DISC1: variants seen among roughly 807,000 people sequenced by gnomAD.
DISC1 encodes disrupted in schizophrenia 1 protein.
In DISC1, 57 loss-of-function variants were observed where a neutral mutation model predicts 84.5. That is an observed-to-expected ratio of 0.67 (90% CI 0.55 to 0.84). DISC1 has a LOEUF of 0.84. DISC1 is among the 40% of genes least tolerant of loss of function. DISC1 has a pLI of 0.00. For synonymous variants in DISC1, 411 were observed against 415.2 expected, an observed-to-expected ratio of 0.99 and a Z score of 0.12; for missense variants, 1,000 against 1,057.8, an observed-to-expected ratio of 0.95 and a Z score of 0.76.
chr1:231,716,364 A>C (rs918317202), intron 3 of DISC1, among the ~76,000 whole-genome samples: 1 of 151,606 alleles, frequency 6.6e-6, no homozygotes, highest in African/African-American at 2.4e-5. Flanking sequence ...AAAGCAATAT[A>C]TATTAAAACA....
chr1:231,685,128 C>T (rs1023501903), intron 1 of DISC1: 17 of 152,188 alleles, frequency 1.1e-4, no homozygotes, highest in Non-Finnish European at 1.5e-4. Flanking sequence ...TTGACCTGCT[C>T]GGTTGGTGGA....
chr1:231,690,705 G>A (rs1038999296), intron 1 of DISC1, among the ~76,000 whole-genome samples: 1 of 152,172 alleles, frequency 6.6e-6, no homozygotes, highest in East Asian at 1.9e-4. Flanking sequence ...ATGGCCTTTC[G>A]TTATGGGAAA....
rs1243606907 is a variant in DISC1, at chr1:231,627,028, G to C, written c.67+94G>C. 3.4e-6 allele frequency: 3 copies of C among 881,626 alleles called. No individual in the cohort carries two copies. In the African/African-American group the frequency reaches 5.4e-5, roughly 16 times the overall value. The allele number at this position is 881,626 out of a possible 1,614,324, so 54.6% of individuals were successfully genotyped here. A position where few individuals can be genotyped will look rare whatever the true frequency, so the allele number is the denominator to read the frequency against. On this transcript the variant is annotated intron_variant, in intron 1 of 12. Coordinates refer to ENST00000439617, the MANE Select transcript of DISC1 (RefSeq NM_018662.3). Reference sequence around the variant, plus strand: ...CCCAGGAAGTCGCGTAGGTCAGGGCGTGCCTCTGTTAACAACCCCTTTCGA... The same window carrying C: ...CCCAGGAAGTCGCGTAGGTCAGGGCCTGCCTCTGTTAACAACCCCTTTCGA...
At chr1:231,695,286 C>G (rs1036777201) in intron 2 of DISC1, among the ~76,000 whole-genome samples, 2 of 152,244 alleles carry the variant, frequency 1.3e-5, no homozygotes, top group Non-Finnish European at 2.9e-5. Flanking sequence ...GACTTCGCTT[C>G]TGGTCATTGA....
chr1:231,969,495 C>G lies in DISC1; in HGVS notation c.2042+10607C>G, dbSNP rs184771910. On this transcript the variant is annotated intron_variant, in intron 10 of 12. Coordinates refer to ENST00000439617, the MANE Select transcript of DISC1 (RefSeq NM_018662.3). ...CTGAGATTTGGGGAGCTCCAAGGCC[C>G]CTCCTCTTGACCCTCAGTGGAGCTC... Among the ~76,000 whole-genome samples the G allele has an allele frequency of 3.0e-4, 45 of 151,992 alleles. No individual in the cohort carries two copies. The East Asian group carries it at 8.5e-3, about 29-fold the overall frequency.
intron 9 of DISC1, among the ~76,000 whole-genome samples, chr1:231,880,272 C>T (rs1346092137): frequency 6.6e-6 from 1 of 152,130 alleles, no homozygotes; most frequent in East Asian, 1.9e-4. Context: ...AGATGCTGCC[C>T]CTCGACCTTG....
intron 3 of DISC1, among the ~76,000 whole-genome samples, chr1:231,735,120 A>C (rs2072305695): frequency 6.6e-6 from 1 of 152,244 alleles, no homozygotes; most frequent in African/African-American, 2.4e-5. Context: ...AAAGTCACTC[A>C]AAATCACACT....
intron 3 of DISC1, among the ~76,000 whole-genome samples, chr1:231,742,323 T>C (rs928394540): frequency 6.6e-6 from 1 of 152,182 alleles, no homozygotes; most frequent in African/African-American, 2.4e-5. Flanking sequence ...ACCCTTATGC[T>C]AACCAGAGGT....
chr1:232,039,972 TC>T lies in DISC1; in HGVS notation c.*3143del, dbSNP rs1456269997. On this transcript the variant is annotated 3_prime_UTR_variant, in exon 13 of 13. Coordinates refer to ENST00000439617, the MANE Select transcript of DISC1 (RefSeq NM_018662.3). Reference sequence around the variant, plus strand: ...ACATGCTATCAGTAATAGTCCCAGTTCCATCCAACTTTCTGAAATTTCATTT... The same window carrying T: ...ACATGCTATCAGTAATAGTCCCAGTTCATCCAACTTTCTGAAATTTCATTT... The T allele has an allele frequency of 6.6e-6, 1 of 152,196 alleles. No homozygotes were observed. Among genetic ancestry groups the T allele is most frequent in the Non-Finnish European group, 1.5e-5 (1 of 68,038 alleles). The allele number at this position is 152,196 out of a possible 1,614,324, so 9.4% of individuals were successfully genotyped here. A position where few individuals can be genotyped will look rare whatever the true frequency, so the allele number is the denominator to read the frequency against.
Position 231,769,774 on chromosome 1 carries a change from T to C in DISC1, c.1399-1061T>C, listed in dbSNP as rs115071929. Reference sequence around the variant, plus strand: ...GCTCAAGATGGTGAATTTTATGCTATGTGTGTTTTACCAGTTAAAAAACTA... The same window carrying C: ...GCTCAAGATGGTGAATTTTATGCTACGTGTGTTTTACCAGTTAAAAAACTA... On this transcript the variant is annotated intron_variant, in intron 5 of 12. Transcript: ENST00000439617. Among the ~76,000 whole-genome samples the C allele has an allele frequency of 4.8e-3, 736 of 152,306 alleles. 5 individuals are homozygous for C. The highest frequency in any genetic ancestry group is 0.017 in the African/African-American group (708 of 41,550).
intron 9 of DISC1, among the ~76,000 whole-genome samples, chr1:231,956,817 T>C (rs959564162): frequency 2.6e-5 from 4 of 152,186 alleles, no homozygotes; most frequent in African/African-American, 9.7e-5. Context: ...GTGCTGGATG[T>C]ATTCTAAGAC....
At chr1:231,775,189 G>C (rs2076870237) in intron 6 of DISC1, among the ~76,000 whole-genome samples, 1 of 152,218 alleles carries the variant, frequency 6.6e-6, no homozygotes, top group African/African-American at 2.4e-5. Flanking sequence ...AACTCAGGGT[G>C]CTGTCTGTTT....
intron 9 of DISC1, among the ~76,000 whole-genome samples, chr1:231,892,504 C>G (rs1031075731): frequency 1.3e-5 from 2 of 152,116 alleles, no homozygotes; most frequent in African/African-American, 4.8e-5. Flanking sequence ...TACAAGCTCA[C>G]TGGTTTCCTG....
intron 9 of DISC1, among the ~76,000 whole-genome samples, chr1:231,846,349 T>G (rs1574233840): frequency 6.6e-6 from 1 of 152,218 alleles, no homozygotes; most frequent in Non-Finnish European, 1.5e-5. Context: ...ACTGTCTGCC[T>G]TGGAATGCGG....
intron 11 of DISC1, among the ~76,000 whole-genome samples, chr1:232,022,245 C>T (rs977449424): frequency 4.6e-5 from 7 of 151,964 alleles, no homozygotes; most frequent in African/African-American, 1.7e-4. Context: ...GAAGTTTTGC[C>T]TAGTCCCTCA....
chr1:231,912,843 T>C (rs1273919081), intron 9 of DISC1, among the ~76,000 whole-genome samples: 1 of 151,604 alleles, frequency 6.6e-6, no homozygotes, highest in Non-Finnish European at 1.5e-5. Flanking sequence ...TTCTTCTTTT[T>C]CTTCTTCTCC....
At chr1:231,739,250 T>G (rs1361621072) in intron 3 of DISC1, among the ~76,000 whole-genome samples, 1 of 152,266 alleles carries the variant, frequency 6.6e-6, no homozygotes, top group Non-Finnish European at 1.5e-5. Context: ...GAATCTTTTC[T>G]ACCCTTCCCC....
chr1:231,775,604 G>C (rs1026067725), intron 6 of DISC1, among the ~76,000 whole-genome samples: 6 of 152,172 alleles, frequency 3.9e-5, no homozygotes, highest in Non-Finnish European at 8.8e-5. Context: ...TTCTTCCAGT[G>C]AACAAAAGGA....
Position 232,016,323 on chromosome 1 carries a change from G to A in DISC1, c.2307+7274G>A, listed in dbSNP as rs115452830. Among the ~76,000 whole-genome samples, 415 of 152,258 alleles carry A rather than the reference G, an allele frequency of 2.7e-3. 1 individual carries two copies. The highest frequency in any genetic ancestry group is 9.3e-3 in the African/African-American group (386 of 41,548). On this transcript the variant is annotated intron_variant, in intron 11 of 12. Coordinates refer to ENST00000439617, the MANE Select transcript of DISC1 (RefSeq NM_018662.3). ...GCTCAAAGAACACATTCCCTTAAAA[G>A]GAATCCCTCAAACCACTTTTCATTT... is the stretch of plus-strand genomic sequence containing the variant.
Sources: gnomAD v4.1 joint callset for allele counts (sites outside exome capture counted in the v4.1 genomes callset) on GRCh38, gnomAD v4.1.1 for gene constraint, MANE v1.5 for transcripts, NCBI Gene and HGNC (gene_info 2026-07-23, HGNC 2026-07-21) for gene names.